RABGAP1L: variants seen among roughly 807,000 people sequenced by gnomAD.
RABGAP1L encodes the protein RAB GTPase activating protein 1 like.
Under a neutral mutation model 137.7 loss-of-function variants are expected in RABGAP1L, and 63 were observed. The ratio of observed to expected loss-of-function variants is 0.46; its 90% CI spans 0.37 to 0.56. The LOEUF (loss-of-function observed/expected upper bound fraction) is 0.56, where lower values mean the gene tolerates loss of function less well. Among genes scored for constraint, RABGAP1L ranks in the 20% least tolerant of loss-of-function variants. The probability of loss-of-function intolerance (pLI) is 0.00; values close to 1 mark genes in which losing one functional copy is unlikely to be tolerated. For missense variants in RABGAP1L, 1,095 were observed against 1,244.0 expected, an observed-to-expected ratio of 0.88 and a Z score of 1.80; for synonymous variants, 431 against 433.7, an observed-to-expected ratio of 0.99 and a Z score of 0.08.
At chr1:174,908,357 A>T (rs376314706) in intron 19 of RABGAP1L, among the ~76,000 whole-genome samples, 1 of 152,202 alleles carries the variant, frequency 6.6e-6, no homozygotes, top group East Asian at 1.9e-4. Context: ...CATTCTCTTC[A>T]TCAGCACATG....
At chr1:174,246,472 C>T (rs1405323811) in intron 5 of RABGAP1L, 1 of 152,096 alleles carries the variant, frequency 6.6e-6, no homozygotes, top group Non-Finnish European at 1.5e-5. Flanking sequence ...TTTGTGGATT[C>T]TACATCCATG....
chr1:174,814,613 G>C (rs1460856081), intron 19 of RABGAP1L, among the ~76,000 whole-genome samples: 1 of 151,934 alleles, frequency 6.6e-6, no homozygotes, highest in Non-Finnish European at 1.5e-5. Context: ...ATGACTATAT[G>C]TACGTACTTA....
chr1:174,562,075 A>G (rs954519377), intron 13 of RABGAP1L, among the ~76,000 whole-genome samples: 1 of 152,244 alleles, frequency 6.6e-6, no homozygotes, highest in Non-Finnish European at 1.5e-5. Context: ...GGAAATCTAC[A>G]GAATTGGAGA....
chr1:174,449,610 C>T (rs1655203957), intron 13 of RABGAP1L, among the ~76,000 whole-genome samples: 1 of 152,158 alleles, frequency 6.6e-6, no homozygotes. Flanking sequence ...ATAAACTGCC[C>T]TTTGTAGAAA....
chr1:174,833,443 TGTAGAG>T (rs1367346055), intron 19 of RABGAP1L, among the ~76,000 whole-genome samples: 20 of 46,188 alleles, frequency 4.3e-4, no homozygotes, highest in Middle Eastern at 0.014. Flanking sequence ...TGTGTGTGTG[TGTAGAG>T]ATATATATAT....
chr1:174,345,781 C>G (rs76689364), intron 11 of RABGAP1L, among the ~76,000 whole-genome samples: 3,584 of 152,176 alleles, frequency 0.024, 137 homozygotes, highest in African/African-American at 0.082. Context: ...AGTACTATGT[C>G]GAATAACTGT....
chr1:174,554,748 TG>T (rs1002821089), intron 13 of RABGAP1L, among the ~76,000 whole-genome samples: 2 of 152,158 alleles, frequency 1.3e-5, no homozygotes, highest in African/African-American at 4.8e-5. Flanking sequence ...AAAATGTTTG[TG>T]GGGGGTGAGT....
chr1:174,176,720 A>G (rs1310364666), intron 1 of RABGAP1L, among the ~76,000 whole-genome samples: 2 of 127,372 alleles, frequency 1.6e-5, no homozygotes, highest in African/African-American at 3.4e-5. Context: ...TCAGAAAAAA[A>G]AAAAAAAAAA....
At chr1:174,464,103 A>T (rs910632694) in intron 13 of RABGAP1L, among the ~76,000 whole-genome samples, 1 of 152,186 alleles carries the variant, frequency 6.6e-6, no homozygotes, top group Non-Finnish European at 1.5e-5. Context: ...AAATATGGAA[A>T]TATTTTAATA....
chr1:174,184,786 C>T (rs904825867), intron 1 of RABGAP1L, among the ~76,000 whole-genome samples: 3 of 152,150 alleles, frequency 2.0e-5, no homozygotes, highest in Non-Finnish European at 2.9e-5. Context: ...ACAGAAGTTT[C>T]GTGAAATTTT....
intron 18 of RABGAP1L, among the ~76,000 whole-genome samples, chr1:174,784,378 C>T (rs964409099): frequency 1.3e-5 from 2 of 152,058 alleles, no homozygotes; most frequent in African/African-American, 4.8e-5. Flanking sequence ...TCTATTCTTC[C>T]TTCTCTTTAG....
chr1:174,259,099 T>G (rs1000381155), intron 7 of RABGAP1L, among the ~76,000 whole-genome samples: 1 of 151,326 alleles, frequency 6.6e-6, no homozygotes, highest in African/African-American at 2.4e-5. Context: ...AATATTCTGT[T>G]TTTTTTTTTG....
chr1:174,430,907 G>A (rs1652555511), intron 13 of RABGAP1L, among the ~76,000 whole-genome samples: 1 of 152,148 alleles, frequency 6.6e-6, no homozygotes, highest in Non-Finnish European at 1.5e-5. Context: ...AGTCATAGAT[G>A]TTGCATTTCA....
chr1:174,527,881 C>T (rs1664038320), intron 13 of RABGAP1L, among the ~76,000 whole-genome samples: 1 of 141,598 alleles, frequency 7.1e-6, no homozygotes, highest in Non-Finnish European at 1.5e-5. Flanking sequence ...GGAATAATTA[C>T]TTTATCATTA....
At chr1:174,656,225 G>A (rs982368171) in intron 14 of RABGAP1L, among the ~76,000 whole-genome samples, 6 of 152,208 alleles carry the variant, frequency 3.9e-5, no homozygotes, top group Admixed American at 6.5e-5. Flanking sequence ...GGGAGGCCAC[G>A]GCGGGTGGAT....
chr1:174,729,857 A>C (rs760430808), intron 17 of RABGAP1L, among the ~76,000 whole-genome samples: 1 of 152,236 alleles, frequency 6.6e-6, no homozygotes, highest in Non-Finnish European at 1.5e-5. Context: ...GGAAACACTT[A>C]TACACTGTTG....
intron 13 of RABGAP1L, among the ~76,000 whole-genome samples, chr1:174,438,084 A>G (rs952961863): frequency 5.9e-5 from 9 of 152,200 alleles, no homozygotes; most frequent in African/African-American, 2.2e-4. Context: ...AAACATGGAA[A>G]GGAACAACCG....
chr1:174,870,624 C>T (rs1475740272), intron 19 of RABGAP1L, among the ~76,000 whole-genome samples: 1 of 151,368 alleles, frequency 6.6e-6, no homozygotes, highest in Admixed American at 6.6e-5. Flanking sequence ...TAATTATCTA[C>T]AAAAAAGGAA....
At chr1:174,496,472 C>G (rs1660741445) in intron 13 of RABGAP1L, among the ~76,000 whole-genome samples, 1 of 152,216 alleles carries the variant, frequency 6.6e-6, no homozygotes, top group African/African-American at 2.4e-5. Context: ...CACTGGTAGA[C>G]TGGCCAAAGC....
Sources: gnomAD v4.1 joint callset for allele counts (sites outside exome capture counted in the v4.1 genomes callset) on GRCh38, gnomAD v4.1.1 for gene constraint, MANE v1.5 for transcripts, NCBI Gene and HGNC (gene_info 2026-07-23, HGNC 2026-07-21) for gene names.